Variants in SASH1 observed in about 807,000 individuals in gnomAD.
SASH1 encodes SAM and SH3 domain containing 1.
Under a neutral mutation model 125.2 loss-of-function variants are expected in SASH1, and 44 were observed. That is an observed-to-expected ratio of 0.35 (90% CI 0.28 to 0.45). The LOEUF (loss-of-function observed/expected upper bound fraction) is 0.45. Ranked by LOEUF, SASH1 falls within the 20% of genes least tolerant of loss-of-function variation. The pLI is 1.00. For synonymous variants in SASH1, 639 were observed against 649.1 expected (o/e 0.98, Z 0.24); for missense variants, 1,426 against 1,614.5 (o/e 0.88, Z 2.00).
At chr6:148,452,017 C>T (rs375059749) in intron 4 of SASH1, among the ~76,000 whole-genome samples, 17 of 152,212 alleles carry the variant, frequency 1.1e-4, no homozygotes, top group South Asian at 4.2e-4. Flanking sequence ...GGTCACAGGG[C>T]GCTTCTGCCC....
intron 1 of SASH1, among the ~76,000 whole-genome samples, chr6:148,288,146 C>T (rs550928937): frequency 4.1e-5 from 6 of 147,230 alleles, no homozygotes; most frequent in Non-Finnish European, 7.6e-5. Context: ...GCTGAAAACC[C>T]GCGGGCCCCA....
chr6:148,244,398 C>T, the SASH1 span, among the ~76,000 whole-genome samples: 5 of 152,164 alleles, frequency 3.3e-5, no homozygotes, highest in African/African-American at 1.2e-4. Flanking sequence ...CCCATGGCCT[C>T]AACAAGACAA....
chr6:148,345,670 A>C (rs1208544427), intron 1 of SASH1, among the ~76,000 whole-genome samples: 3 of 152,208 alleles, frequency 2.0e-5, no homozygotes, highest in Non-Finnish European at 4.4e-5. Context: ...CAAAATTAAC[A>C]GTTGACTTTA....
At chr6:148,217,446 T>C in the SASH1 span, among the ~76,000 whole-genome samples, 446 of 152,334 alleles carry the variant, frequency 2.9e-3, 2 homozygotes, top group Non-Finnish European at 4.9e-3. Context: ...TGTTATCACT[T>C]TCCATCCTCA....
At chr6:148,345,049 C>T (rs1342927702) in intron 1 of SASH1, among the ~76,000 whole-genome samples, 1 of 152,138 alleles carries the variant, frequency 6.6e-6, no homozygotes, top group Non-Finnish European at 1.5e-5. Context: ...CCACCGCGCC[C>T]GATAGACTGT....
At chr6:148,245,728 C>T in the SASH1 span, among the ~76,000 whole-genome samples, 3 of 152,084 alleles carry the variant, frequency 2.0e-5, no homozygotes, top group Admixed American at 1.3e-4. Context: ...TGGCTCGTGG[C>T]TGTAATCCCA....
the SASH1 span, among the ~76,000 whole-genome samples, chr6:148,193,918 T>A: frequency 6.6e-6 from 1 of 152,188 alleles, no homozygotes; most frequent in East Asian, 1.9e-4. Context: ...GGAAAGGAAT[T>A]ATTCTAAGGT....
intron 1 of SASH1, among the ~76,000 whole-genome samples, chr6:148,386,403 G>A (rs1259493243): frequency 6.6e-6 from 1 of 152,162 alleles, no homozygotes; most frequent in African/African-American, 2.4e-5. Flanking sequence ...TGATAAGTTG[G>A]ACAGTTCACA....
At chr6:148,405,504 A>G (rs1562385308) in intron 2 of SASH1, among the ~76,000 whole-genome samples, 2 of 152,242 alleles carry the variant, frequency 1.3e-5, no homozygotes, top group East Asian at 1.9e-4. Flanking sequence ...CTACCCTGGC[A>G]GTCTGCTCCT....
chr6:148,436,402 G>T (rs2114992315), intron 2 of SASH1, among the ~76,000 whole-genome samples: 1 of 152,152 alleles, frequency 6.6e-6, no homozygotes, highest in South Asian at 2.1e-4. Flanking sequence ...CTACCTGGGA[G>T]GCTGAGGTGG....
In SASH1 at chr6:148,533,851, C is replaced by G; in HGVS notation, c.1815C>G (p.Phe605Leu). 1 of 1,614,122 alleles carries G rather than the reference C, an allele frequency of 6.2e-7. No homozygotes were observed. Among genetic ancestry groups the G allele is most frequent in the Non-Finnish European group, 8.5e-7 (1 of 1,180,020 alleles). Residue 605 changes from phenylalanine (F) to leucine (L), a missense_variant, in exon 15 of 20, where the codon TTC (phenylalanine) becomes TTG (leucine). Physicochemically the swap from Phe to Leu is conservative, Grantham distance 22. Around this residue, in one of 3 missense-constraint regions of SASH1, gnomAD observed 225 missense variants for 344.5 expected, o/e 0.65. Transcript: ENST00000367467. This position sits in a 1 kb window ranked among gnomAD's most constrained non-coding sequence, Gnocchi z 6.2. ...TGCTGAACAACAAAGTCGGCACGTT[C>G]AAGTTCATCTACGTGGACGTGCTCA... ...MGLLNNKVGT[F>L]KFIYVDVLSE...
At chr6:148,508,736 T>C (rs1779944393) in intron 8 of SASH1, 3 of 1,234,050 alleles carry the variant, frequency 2.4e-6, no homozygotes, top group Middle Eastern at 2.2e-4. Context: ...CAGAGAGACA[T>C]GTTCCAGGAG....
At chr6:148,534,462 G>A (rs1181156163) in intron 15 of SASH1, among the ~76,000 whole-genome samples, 1 of 152,184 alleles carries the variant, frequency 6.6e-6, no homozygotes, top group African/African-American at 2.4e-5. Flanking sequence ...GCTCTGTGGA[G>A]GTAAAGGAAT....
At chr6:148,365,755 G>A (rs926279645) in intron 1 of SASH1, among the ~76,000 whole-genome samples, 7 of 151,788 alleles carry the variant, frequency 4.6e-5, no homozygotes, top group East Asian at 1.9e-4. Flanking sequence ...TGGGTGGATC[G>A]TTGAGCTCAG....
At chr6:148,421,101 A>AGAAAAGAAAG (rs1194675468) in intron 2 of SASH1, among the ~76,000 whole-genome samples, 3 of 137,640 alleles carry the variant, frequency 2.2e-5, no homozygotes, top group Admixed American at 1.5e-4. Context: ...AGAAAAGAAA[A>AGAAAAGAAAG]GAAAAGAAAG....
chr6:148,312,851 AAGG>A (rs1269066708), intron 1 of SASH1, among the ~76,000 whole-genome samples: 2 of 152,020 alleles, frequency 1.3e-5, no homozygotes, highest in Non-Finnish European at 2.9e-5. Flanking sequence ...GAAGGAGGAG[AAGG>A]AGGAGGAGAA....
intron 2 of SASH1, among the ~76,000 whole-genome samples, chr6:148,425,421 G>T (rs1236092916): frequency 6.6e-6 from 1 of 152,082 alleles, no homozygotes; most frequent in Admixed American, 6.6e-5. Flanking sequence ...TGTAAAAAAG[G>T]TTAAAACAAT....
At chr6:148,417,806 G>A (rs750088958) in intron 2 of SASH1, among the ~76,000 whole-genome samples, 5 of 152,074 alleles carry the variant, frequency 3.3e-5, no homozygotes, top group Non-Finnish European at 7.4e-5. Context: ...TGCTTAGAAT[G>A]GTGTATGGCA....
At chr6:148,276,978 A>C (rs1285473782) in intron 1 of SASH1, among the ~76,000 whole-genome samples, 1 of 152,178 alleles carries the variant, frequency 6.6e-6, no homozygotes, top group African/African-American at 2.4e-5. Flanking sequence ...ACCATTTACT[A>C]TGTGCCAGGC....
Sources: gnomAD v4.1 joint callset for allele counts (sites outside exome capture counted in the v4.1 genomes callset) on GRCh38, gnomAD v4.1.1 for gene constraint, gnomAD v4.1.1 regional missense constraint, Gnocchi (gnomAD v3.1) non-coding constraint, MANE v1.5 for transcripts, NCBI Gene and HGNC (gene_info 2026-07-23, HGNC 2026-07-21) for gene names.